The following GTF2IRD1 variants were observed in gnomAD, a reference collection of about 807,000 sequenced individuals.
GTF2IRD1 encodes general transcription factor II-I repeat domain-containing protein 1.
GTF2IRD1 carries 26 observed loss-of-function variants against 113.2 expected under a neutral mutation model. The ratio of observed to expected loss-of-function variants is 0.23; its 90% CI spans 0.17 to 0.32. GTF2IRD1 has a LOEUF of 0.32. Ranked by LOEUF, GTF2IRD1 falls within the 10% of genes least tolerant of loss-of-function variation. The probability of loss-of-function intolerance (pLI) is 1.00; values close to 1 mark genes in which losing one functional copy is unlikely to be tolerated. For synonymous variants in GTF2IRD1, 484 were observed against 529.1 expected (o/e 0.91, Z 1.17); for missense variants, 864 against 1,280.8 (o/e 0.67, Z 4.97).
intron 26 of GTF2IRD1, 86 bp downstream of exon 26, chr7:74,601,266 G>A (rs782742190): frequency 1.9e-6 from 3 of 1,550,654 alleles, no homozygotes; most frequent in Non-Finnish European, 2.6e-6. Context: ...CTGGGATGTG[G>A]GCCCAGGGGA....
At chr7:74,599,790 T>C (rs1554373386) in intron 25 of GTF2IRD1, among the ~76,000 whole-genome samples, 1 of 152,148 alleles carries the variant, frequency 6.6e-6, no homozygotes. Context: ...CCCAAAGTGC[T>C]GGGATTACCA....
chr7:74,552,521 TA>T (rs1554355311), intron 17 of GTF2IRD1, among the ~76,000 whole-genome samples: 1 of 151,984 alleles, frequency 6.6e-6, no homozygotes. Flanking sequence ...TCTCTCAAAA[TA>T]AATAAATAAA....
At chr7:74,459,833 C>T (rs975047490) in intron 1 of GTF2IRD1, among the ~76,000 whole-genome samples, 2 of 151,986 alleles carry the variant, frequency 1.3e-5, no homozygotes, top group African/African-American at 2.4e-5. Context: ...GCCTCTGGGG[C>T]GGTGAGATGG....
intron 11 of GTF2IRD1, among the ~76,000 whole-genome samples, chr7:74,537,856 T>A (rs1798390560): frequency 6.6e-6 from 1 of 152,176 alleles, no homozygotes; most frequent in Non-Finnish European, 1.5e-5. Flanking sequence ...AGCTCCCAGA[T>A]GGTGAAGAAG....
At chr7:74,491,203 G>A (rs1554336597) in intron 1 of GTF2IRD1, among the ~76,000 whole-genome samples, 1 of 151,974 alleles carries the variant, frequency 6.6e-6, no homozygotes, top group African/African-American at 2.4e-5. Flanking sequence ...CTACTCAGGA[G>A]GCTGAGGCAC....
At chr7:74,585,618 A>G (rs1281939347) in intron 22 of GTF2IRD1, among the ~76,000 whole-genome samples, 1 of 152,010 alleles carries the variant, frequency 6.6e-6, no homozygotes, top group Non-Finnish European at 1.5e-5. Context: ...ATGGTGGTTC[A>G]CGTCTGTAAT....
intron 1 of GTF2IRD1, chr7:74,507,792 A>G (rs1305960000): frequency 8.6e-6 from 3 of 350,436 alleles, no homozygotes; most frequent in Non-Finnish European, 1.6e-5. Context: ...GAGAGGTGGC[A>G]GTTGGGGCCT....
chr7:74,529,723 T>C lies in GTF2IRD1; in HGVS notation c.1091-11T>C, dbSNP rs782438226. ...CTAACACTCAGCCTTGCTGTTTGGT[T>C]GTCTTTCCAGCGGAAGCCCTGGGCC... On this transcript the variant is annotated splice_polypyrimidine_tract_variant and intron_variant, in intron 8 of 26. Transcript: ENST00000424337. The C allele has an allele frequency of 2.0e-5, 32 of 1,613,320 alleles. No homozygotes were observed. The highest frequency in any genetic ancestry group is 2.5e-5 in the Non-Finnish European group (30 of 1,179,554).
Position 74,507,994 on chromosome 7 carries a change from G to A in GTF2IRD1, c.-6-81G>A, listed in dbSNP as rs536618227. On this transcript the variant is annotated intron_variant, in intron 1 of 26. Coordinates refer to ENST00000424337, the MANE Select transcript of GTF2IRD1 (RefSeq NM_005685.4). ...GGCGGTCTTGGGAGTCCGGGGGTCA[G>A]GTGGATTGGGGTGGGCAGCCACCAT... The A allele has an allele frequency of 1.9e-3, 2,761 of 1,479,920 alleles. 1 individual carries two copies. Among genetic ancestry groups the A allele is most frequent in the Non-Finnish European group, 2.2e-3 (2,482 of 1,106,998 alleles). The allele number at this position is 1,479,920 out of a possible 1,614,324, so 91.7% of individuals were successfully genotyped here. A position where few individuals can be genotyped will look rare whatever the true frequency, so the allele number is the denominator to read the frequency against.
chr7:74,519,331 T>G, intron 5 of GTF2IRD1, 78 bp from the exon 6 acceptor site: 1 of 969,688 alleles, frequency 1.0e-6, no homozygotes, highest in South Asian at 1.8e-5. Context: ...AGGGCAGGGA[T>G]GCGGGGTTTT....
intron 1 of GTF2IRD1, among the ~76,000 whole-genome samples, chr7:74,481,649 C>T (rs1554334670): frequency 6.6e-6 from 1 of 152,158 alleles, no homozygotes; most frequent in South Asian, 2.1e-4. Flanking sequence ...GTCATCCTGT[C>T]CAGTGTTGGA....
intron 1 of GTF2IRD1, among the ~76,000 whole-genome samples, chr7:74,468,433 G>A (rs1000782724): frequency 2.5e-4 from 38 of 151,678 alleles, no homozygotes; most frequent in African/African-American, 8.5e-4. Context: ...GCTGAGACGC[G>A]CAGATCACAA....
chr7:74,456,080 C>T (rs1192265644), intron 1 of GTF2IRD1, among the ~76,000 whole-genome samples: 2 of 152,154 alleles, frequency 1.3e-5, no homozygotes, highest in African/African-American at 2.4e-5. Flanking sequence ...GGCAGCCTCC[C>T]AGGAGCCCGG....
chr7:74,555,673 G>A lies in GTF2IRD1; in HGVS notation c.2023+179G>A, dbSNP rs1392789724. 6.6e-6 allele frequency among the ~76,000 whole-genome samples: 1 copy of A among 152,170 alleles called. No homozygotes were observed. Among genetic ancestry groups the A allele is most frequent in the Non-Finnish European group, 1.5e-5 (1 of 68,022 alleles). ...TGTACCCTGCCAGCTCTGTGTTAGA[G>A]ACTCCAGGGGAGAGGGGGTGCCTAC... On this transcript the variant is annotated intron_variant, in intron 19 of 26. Transcript: ENST00000424337. The surrounding 1 kb of genome is among the most constrained non-coding windows in gnomAD (Gnocchi z 5.3).
chr7:74,507,969 G>A (rs906837504), intron 1 of GTF2IRD1, 106 bp from the exon 2 acceptor site: 3 of 1,273,098 alleles, frequency 2.4e-6, no homozygotes, highest in Non-Finnish European at 2.1e-6. Context: ...TGGATACAGA[G>A]GCGGTCTTGG....
chr7:74,513,831 GC>G (rs1287401260), intron 3 of GTF2IRD1, among the ~76,000 whole-genome samples: 1 of 152,102 alleles, frequency 6.6e-6, no homozygotes, highest in East Asian at 1.9e-4. Flanking sequence ...GGGCAACATA[GC>G]AAGGCCTCTG....
intron 22 of GTF2IRD1, among the ~76,000 whole-genome samples, chr7:74,584,289 C>CA (rs1372023875): frequency 1.3e-5 from 2 of 151,856 alleles, no homozygotes; most frequent in African/African-American, 2.4e-5. Flanking sequence ...ACTAAAAATA[C>CA]AAAAAATTAG....
At chr7:74,563,099 G>C (rs1800078591) in intron 22 of GTF2IRD1, among the ~76,000 whole-genome samples, 1 of 151,994 alleles carries the variant, frequency 6.6e-6, no homozygotes, top group Admixed American at 6.6e-5. Context: ...CCACTCAGTA[G>C]ACACTTCCAC....
At chr7:74,574,243 C>T (rs1178070682) in intron 22 of GTF2IRD1, among the ~76,000 whole-genome samples, 1 of 146,360 alleles carries the variant, frequency 6.8e-6, no homozygotes, top group African/African-American at 2.5e-5. Context: ...CTCAGGTGAT[C>T]CACCTGCCTC....
Sources: allele counts gnomAD v4.1 joint callset (sites outside exome capture counted in the v4.1 genomes callset), GRCh38; gene constraint gnomAD v4.1.1; non-coding constraint Gnocchi (gnomAD v3.1); transcripts MANE v1.5; gene names NCBI Gene and HGNC (gene_info 2026-07-23, HGNC 2026-07-21).